THSD4: variants seen among roughly 807,000 people sequenced by gnomAD.
The protein encoded by THSD4 is thrombospondin type-1 domain-containing protein 4.
Under a neutral mutation model 119.0 loss-of-function variants are expected in THSD4, and 69 were observed. The ratio of observed to expected loss-of-function variants is 0.58; its 90% CI spans 0.48 to 0.71. The LOEUF is 0.71. THSD4 is among the 30% of genes least tolerant of loss of function. THSD4 has a pLI of 0.00. For missense variants in THSD4, 1,393 were observed against 1,391.1 expected (o/e 1.00, Z -0.02); for synonymous variants, 524 against 540.4 (o/e 0.97, Z 0.42).
chr15:71,155,652 T>C (rs1320527555), intron 3 of THSD4, among the ~76,000 whole-genome samples: 1 of 152,152 alleles, frequency 6.6e-6, no homozygotes, highest in Non-Finnish European at 1.5e-5. Context: ...GAGACCAGTA[T>C]GGAGCTTTTA....
intron 14 of THSD4, among the ~76,000 whole-genome samples, chr15:71,754,320 C>T (rs938143100): frequency 6.6e-6 from 1 of 152,072 alleles, no homozygotes; most frequent in African/African-American, 2.4e-5. Flanking sequence ...AAACTCCTGA[C>T]CTCAGGTGAT....
At chr15:71,760,082 A>G (rs1463925513) in intron 15 of THSD4, among the ~76,000 whole-genome samples, 1 of 152,190 alleles carries the variant, frequency 6.6e-6, no homozygotes, top group Non-Finnish European at 1.5e-5. Context: ...ATAAAAATAA[A>G]TGTTCCTTCT....
At chr15:71,223,512 T>A (rs1308745292) in intron 4 of THSD4, among the ~76,000 whole-genome samples, 1 of 152,232 alleles carries the variant, frequency 6.6e-6, no homozygotes, top group African/African-American at 2.4e-5. Flanking sequence ...TTCATTCACA[T>A]ACTTATTTGC....
intron 7 of THSD4, among the ~76,000 whole-genome samples, chr15:71,459,481 TGG>T (rs1297483110): frequency 6.6e-6 from 1 of 152,098 alleles, no homozygotes; most frequent in Non-Finnish European, 1.5e-5. Context: ...GTCTCTGGCA[TGG>T]GTTTTGCTCA....
chr15:71,773,805 T>C (rs1057357717), intron 17 of THSD4, among the ~76,000 whole-genome samples: 1 of 152,222 alleles, frequency 6.6e-6, no homozygotes, highest in Non-Finnish European at 1.5e-5. Context: ...CATGGGTACA[T>C]GTGTGCTGTT....
At position 71,738,026 on chromosome 15, in the gene THSD4, C is replaced by G. The variant is rs377411015; in HGVS notation, c.1906+19C>G. The G allele has an allele frequency of 5.0e-6, 8 of 1,611,554 alleles. No homozygotes were observed. Among genetic ancestry groups the G allele is most frequent in the African/African-American group, 2.7e-5 (2 of 74,924 alleles). ...GGGAAAGGTGAGCCTGTGTGGGGGA[C>G]GGGTGGATCCCTGCAGAACCCTAAG... On this transcript the variant is annotated intron_variant, in intron 11 of 17. Transcript: ENST00000261862.
At chr15:71,496,463 A>C (rs139141769) in intron 7 of THSD4, among the ~76,000 whole-genome samples, 1 of 152,228 alleles carries the variant, frequency 6.6e-6, no homozygotes, top group East Asian at 1.9e-4. Flanking sequence ...TTTTTGTTCT[A>C]TCACTCCCAG....
At chr15:71,513,110 C>T (rs913817523) in intron 7 of THSD4, among the ~76,000 whole-genome samples, 2 of 117,966 alleles carry the variant, frequency 1.7e-5, no homozygotes, top group Non-Finnish European at 4.1e-5. Flanking sequence ...AGAGGAATCT[C>T]ATGGGAGACC....
At chr15:71,191,460 C>G (rs924399773) in intron 3 of THSD4, among the ~76,000 whole-genome samples, 1 of 152,194 alleles carries the variant, frequency 6.6e-6, no homozygotes, top group African/African-American at 2.4e-5. Flanking sequence ...GCCATTCGTG[C>G]CTTTGCCCAT....
intron 7 of THSD4, among the ~76,000 whole-genome samples, chr15:71,472,425 A>G (rs1418802488): frequency 6.6e-6 from 1 of 152,140 alleles, no homozygotes. Flanking sequence ...TCTACTGCCT[A>G]TCTGTGAAAG....
chr15:71,216,495 C>T (rs1009006136), intron 4 of THSD4, among the ~76,000 whole-genome samples: 3 of 152,228 alleles, frequency 2.0e-5, no homozygotes, highest in Admixed American at 6.5e-5. Context: ...GCCACATGCT[C>T]TTTACCTGGT....
chr15:71,330,283 T>A (rs183949513), intron 6 of THSD4, among the ~76,000 whole-genome samples: 5 of 152,248 alleles, frequency 3.3e-5, no homozygotes, highest in Non-Finnish European at 7.4e-5. Flanking sequence ...AAATTCATCT[T>A]TGAGTCTCAG....
At chr15:71,255,078 G>A (rs1254630160) in intron 5 of THSD4, among the ~76,000 whole-genome samples, 1 of 152,144 alleles carries the variant, frequency 6.6e-6, no homozygotes, top group Non-Finnish European at 1.5e-5. Flanking sequence ...CATCTTCCGG[G>A]AGACCTAATA....
chr15:71,326,398 C>A (rs1381787591), intron 6 of THSD4, among the ~76,000 whole-genome samples: 1 of 151,442 alleles, frequency 6.6e-6, no homozygotes, highest in Non-Finnish European at 1.5e-5. Context: ...TGGTGGTGGC[C>A]GGGCAGGGTG....
At chr15:71,555,480 T>C (rs2049003367) in intron 7 of THSD4, among the ~76,000 whole-genome samples, 2 of 152,242 alleles carry the variant, frequency 1.3e-5, no homozygotes, top group Non-Finnish European at 2.9e-5. Context: ...GTATTTATTT[T>C]CTGGTTTTAA....
intron 7 of THSD4, among the ~76,000 whole-genome samples, chr15:71,646,757 G>A (rs1037214602): frequency 1.3e-5 from 2 of 152,130 alleles, no homozygotes; most frequent in Non-Finnish European, 2.9e-5. Flanking sequence ...CAAAGCATAA[G>A]GACACTGGAT....
intron 2 of THSD4, among the ~76,000 whole-genome samples, chr15:71,151,948 C>T (rs2040726353): frequency 6.6e-6 from 1 of 152,158 alleles, no homozygotes; most frequent in South Asian, 2.1e-4. Context: ...TGTGTATCTG[C>T]ACTGGACAGT....
intron 3 of THSD4, among the ~76,000 whole-genome samples, chr15:71,200,254 T>G (rs1402898313): frequency 6.6e-6 from 1 of 152,154 alleles, no homozygotes; most frequent in Non-Finnish European, 1.5e-5. Context: ...GGTCTGCAGC[T>G]TCTCTGACTT....
intron 7 of THSD4, among the ~76,000 whole-genome samples, chr15:71,542,921 C>G (rs2048781173): frequency 6.6e-6 from 1 of 151,560 alleles, no homozygotes; most frequent in Non-Finnish European, 1.5e-5. Flanking sequence ...GAAGGATAAT[C>G]TAAAAAGTAC....
Sources: allele counts gnomAD v4.1 joint callset (sites outside exome capture counted in the v4.1 genomes callset), GRCh38; gene constraint gnomAD v4.1.1; transcripts MANE v1.5; gene names NCBI Gene and HGNC (gene_info 2026-07-23, HGNC 2026-07-21).